DDX5: variants seen among roughly 807,000 people sequenced by gnomAD.
The protein encoded by DDX5 is probable ATP-dependent RNA helicase DDX5.
DDX5 carries 6 observed loss-of-function variants against 68.6 expected under a neutral mutation model. The ratio of observed to expected loss-of-function variants is 0.09; its 90% confidence interval spans 0.05 to 0.17. The LOEUF is 0.17. Ranked by LOEUF, DDX5 falls within the 10% of genes least tolerant of loss-of-function variation. DDX5 has a pLI of 1.00. For synonymous variants in DDX5, 350 were observed against 247.0 expected, an observed-to-expected ratio of 1.42 and a Z score of -3.91; for missense variants, 499 against 756.1, an observed-to-expected ratio of 0.66 and a Z score of 3.99.
chr17:64,501,972 T>C, intron 11 of DDX5, 38 bp downstream of exon 11: 1 of 1,599,372 alleles, frequency 6.3e-7, no homozygotes, highest in Non-Finnish European at 8.5e-7. Context: ...ATGGAGATCT[T>C]CTGGGAAACC....
In DDX5 at chr17:64,499,176, T is replaced by C. The variant is rs2038232099; in HGVS notation, c.*747A>G. Among the ~76,000 whole-genome samples the C allele has an allele frequency of 6.6e-6, 1 of 152,232 alleles. No individual in the cohort carries two copies. Among genetic ancestry groups the C allele is most frequent in the African/African-American group, 2.4e-5 (1 of 41,452 alleles). On this transcript the variant is annotated 3_prime_UTR_variant, in exon 13 of 13. Transcript: ENST00000225792. ...TTCAACATTTCAGTAATTCACAGTA[T>C]AGCCAAGAGCATGAGTATAAGTCTC...
At chr17:64,505,275 G>C (rs2038427412) in intron 1 of DDX5, 2 of 274,840 alleles carry the variant, frequency 7.3e-6, no homozygotes, top group Non-Finnish European at 1.4e-5. Flanking sequence ...AACAGCTTTA[G>C]TGGTAAGAAC....
intron 1 of DDX5, 56 bp downstream of exon 1, chr17:64,506,020 A>AACCCCCCCCCCC: frequency 1.3e-5 from 11 of 868,064 alleles, no homozygotes; most frequent in Admixed American, 2.3e-5. Flanking sequence ...CGCCACCCTG[A>AACCCCCCCCCCC]CCCGCCCTCC....
In DDX5 at chr17:64,505,902, C is replaced by T. The variant is rs554722176; in HGVS notation, c.44+174G>A. 1.6e-4 allele frequency: 250 copies of T among 1,534,844 alleles called. No homozygotes were observed. The South Asian group carries it at 2.8e-3, about 17-fold the overall frequency. Reference sequence around the variant, plus strand: ...GCTTGAAGACACTACACCGTCAAATCTCTTCCAATCACTGTGACGTGAATA... The same window carrying T: ...GCTTGAAGACACTACACCGTCAAATTTCTTCCAATCACTGTGACGTGAATA... On this transcript the variant is annotated intron_variant, in intron 1 of 12. Coordinates refer to ENST00000225792, the MANE Select transcript of DDX5 (RefSeq NM_004396.5).
intron 3 of DDX5, 48 bp from the exon 4 acceptor site, chr17:64,504,164 A>G: frequency 6.2e-7 from 1 of 1,612,932 alleles, no homozygotes; most frequent in Non-Finnish European, 8.5e-7. Context: ...TGCCAAGAAA[A>G]AGAGGGGGTA....
intron 12 of DDX5, 67 bp from the exon 13 acceptor site, chr17:64,500,393 A>C: frequency 1.3e-6 from 2 of 1,553,510 alleles, no homozygotes; most frequent in Non-Finnish European, 1.7e-6. Flanking sequence ...GACAGAAAGA[A>C]ACAGATCTAT....
At chr17:64,501,663 G>C (rs1555671116) in intron 11 of DDX5, 3 of 316,826 alleles carry the variant, frequency 9.5e-6, no homozygotes, top group East Asian at 6.5e-5. Context: ...GCAAAGCATG[G>C]GACAGAAGAA....
upstream of DDX5, chr17:64,506,430 G>A (rs9905596): frequency 8.1e-6 from 11 of 1,358,214 alleles, no homozygotes; most frequent in African/African-American, 7.3e-5. Flanking sequence ...GGATCGCCGC[G>A]CTTTCACCCC....
chr17:64,499,964 G>A lies in DDX5; in HGVS notation c.1804C>T (p.Pro602Ser), dbSNP rs2038254290. The change falls in exon 13 of 13, where the codon CCT becomes TCT. Residue 602 changes from proline (P) to serine (S), a missense_variant. Physicochemically the swap from Pro to Ser is moderately conservative, Grantham distance 74. Transcript: ENST00000225792. ...GTTGGCATTGGATAACCAATCATAG[G>A]TGCAGCTGCAGTAGCAGGATATGCA... ...AYAYPATAAA[P>S]MIGYPMPTGY... 3 of 1,612,302 alleles carry A rather than the reference G, an allele frequency of 1.9e-6. No individual in the cohort carries two copies. The highest frequency in any genetic ancestry group is 2.2e-5 in the South Asian group (2 of 90,848).
At chr17:64,506,327 C>A, upstream of DDX5, 1 of 1,477,062 alleles carries the variant, frequency 6.8e-7, no homozygotes, top group Non-Finnish European at 9.0e-7. Flanking sequence ...ATAGTCTGGA[C>A]CGCCTCCTAC....
Position 64,503,263 on chromosome 17 carries a change from A to G in DDX5, c.735T>C (p.Leu245=). 1 of 1,614,222 alleles carries G rather than the reference A, an allele frequency of 6.2e-7. No homozygotes were observed. The highest frequency in any genetic ancestry group is 8.5e-7 in the Non-Finnish European group (1 of 1,180,036). The change falls in exon 7 of 13, where the codon CTT becomes CTC. Residue 245 remains leucine, a synonymous_variant. Coordinates refer to ENST00000225792, the MANE Select transcript of DDX5 (RefSeq NM_004396.5). ...GCATTCTATCTGCTTCATCAAGGAC[A>G]AGGTAGGTTGTTCTTCTCAGATTGG... ...GKTNLRRTTY[L]VLDEADRMLD... is the part of the protein sequence containing the mutation.
At chr17:64,506,496 G>T, upstream of DDX5, 1 of 902,804 alleles carries the variant, frequency 1.1e-6, no homozygotes, top group Non-Finnish European at 1.5e-6. Flanking sequence ...GCCTCATTCT[G>T]CACTCTCTTG....
intron 6 of DDX5, 34 bp downstream of exon 6, chr17:64,503,396 A>C (rs373208154): frequency 2.1e-5 from 34 of 1,613,910 alleles, no homozygotes; most frequent in Non-Finnish European, 2.5e-5. Flanking sequence ...GATATTTAGC[A>C]CCAATGACAA....
In DDX5 at chr17:64,502,907, C is replaced by G; in HGVS notation, c.983+19G>C. 3 of 1,559,476 alleles carry G rather than the reference C, an allele frequency of 1.9e-6. No individual in the cohort carries two copies. The highest frequency in any genetic ancestry group is 2.6e-6 in the Non-Finnish European group (3 of 1,153,564). On this transcript the variant is annotated intron_variant, in intron 8 of 12. Coordinates refer to ENST00000225792, the MANE Select transcript of DDX5 (RefSeq NM_004396.5). The stretch of plus-strand genomic sequence containing the variant: ...CAAAGTTGTTAGGAAGCAAATATAA[C>G]AGAGTTAATAAAACTTACTTTTCAT...
Position 64,503,079 on chromosome 17 carries a change from ATTAGAG to A in DDX5, c.824_829del (p.Thr275_Leu276del). Reference sequence around the variant, plus strand: ...TTCTTTTGGCCAAGTCGCACTCCACATTAGAGTTTGCCTATCAGGCTAATGGATTTT... The same window carrying A: ...TTCTTTTGGCCAAGTCGCACTCCACATTTGCCTATCAGGCTAATGGATTTT... On this transcript the variant is annotated inframe_deletion, in exon 8 of 13. Transcript: ENST00000225792. 6.2e-7 allele frequency: 1 copy of A among 1,613,778 alleles called. No homozygotes were observed. The highest frequency in any genetic ancestry group is 8.5e-7 in the Non-Finnish European group (1 of 1,179,812).
chr17:64,506,673 T>C, upstream of DDX5: 1 of 293,822 alleles, frequency 3.4e-6, no homozygotes, highest in Non-Finnish European at 6.2e-6. Flanking sequence ...CACGTGGCTG[T>C]ACCACCCCGG....
chr17:64,501,269 CAA>C (rs1242458566), intron 11 of DDX5: 8 of 162,504 alleles, frequency 4.9e-5, no homozygotes, highest in Admixed American at 1.8e-4. Flanking sequence ...ACCTGTCCCC[CAA>C]AAGTTGTTTT....
Position 64,505,311 on chromosome 17 carries a change from G to C in DDX5, c.45-469C>G, listed in dbSNP as rs181713431. On this transcript the variant is annotated intron_variant, in intron 1 of 12. Coordinates refer to ENST00000225792, the MANE Select transcript of DDX5 (RefSeq NM_004396.5). ...CTAAACAGTACAGTCAGCGATAACA[G>C]AACAAGGGTTTTCTCAGAAACACTT... is the stretch of plus-strand genomic sequence containing the variant. The C allele has an allele frequency of 8.1e-4, 293 of 361,202 alleles. 5 individuals are homozygous for C. In the Admixed American group the frequency reaches 9.3e-3, roughly 11 times the overall value. The allele number at this position is 361,202 out of a possible 1,614,324, so 22.4% of individuals were successfully genotyped here. A position where few individuals can be genotyped will look rare whatever the true frequency, so the allele number is the denominator to read the frequency against.
intron 1 of DDX5, 42 bp downstream of exon 1, chr17:64,506,034 C>CCCCCCCCCCCCCCCCCGG: frequency 1.2e-6 from 1 of 803,018 alleles, no homozygotes; most frequent in Non-Finnish European, 1.9e-6. Context: ...GCCCTCCCAT[C>CCCCCCCCCCCCCCCCCGG]CCCCCACCCG....
Sources: gnomAD v4.1 joint callset for allele counts (sites outside exome capture counted in the v4.1 genomes callset) on GRCh38, gnomAD v4.1.1 for gene constraint, MANE v1.5 for transcripts, NCBI Gene and HGNC (gene_info 2026-07-23, HGNC 2026-07-21) for gene names.